KANTR: variants seen among roughly 807,000 people sequenced by gnomAD.
KANTR encodes the protein KANTR integral membrane protein, also known as KDM5C adjacent transcript.
In KANTR at chrX:53,137,602, T is replaced by TA. The variant is rs1183188339; in HGVS notation, n.204-4236dup. Among the ~76,000 whole-genome samples, 51 of 104,564 alleles carry TA rather than the reference T, an allele frequency of 4.9e-4. 1 individual carries two copies. Among genetic ancestry groups the TA allele is most frequent in the South Asian group, 2.1e-3 (5 of 2,382 alleles). 90.8% of individuals were successfully genotyped at this position (104,564 alleles called of 115,157 possible). On this transcript the variant is annotated intron_variant and non_coding_transcript_variant, in intron 2 of 2. Transcript: ENST00000366185. ...CAACATGGAGAAAGCCCGTCTCTAC[T>TA]AAAAAAAAAATACAAAATTAGCCAG... is the stretch of plus-strand genomic sequence containing the variant.
chrX:53,126,718 A>G (rs1206173031), exon 3 of KANTR: 1 of 112,118 alleles, frequency 8.9e-6, no homozygotes, highest in African/African-American at 3.2e-5. Flanking sequence ...ACTACATAGT[A>G]TATTCTGATT....
chrX:53,141,218 A>G (rs1933497538), intron 2 of KANTR, among the ~76,000 whole-genome samples: 1 of 112,350 alleles, frequency 8.9e-6, no homozygotes, highest in Non-Finnish European at 1.9e-5. Context: ...GGTGTTTCAC[A>G]CAGTTCCCTC....
At position 53,108,693 on chromosome X, in the gene KANTR, T is replaced by A. The variant is rs782401351; in HGVS notation, c.-805+9085T>A. ...ATAGAGATAGTTTCACTTTTTTCTT[T>A]CCTGTCTGAATGCCTTTTTTTTTTT... is the stretch of plus-strand genomic sequence containing the variant. On this transcript the variant is annotated intron_variant, in intron 2 of 2. Coordinates refer to ENST00000604062, the Ensembl canonical transcript of KANTR. Among the ~76,000 whole-genome samples the A allele has an allele frequency of 3.1e-5, 3 of 96,800 alleles. No homozygotes were observed. In the South Asian group the frequency reaches 1.6e-3, roughly 52 times the overall value. 84.1% of individuals were successfully genotyped at this position (96,800 alleles called of 115,157 possible). A position where few individuals can be genotyped will look rare whatever the true frequency, so the allele number is the denominator to read the frequency against.
chrX:53,131,134 T>C (rs1933356999), downstream of KANTR, among the ~76,000 whole-genome samples: 1 of 111,043 alleles, frequency 9.0e-6, no homozygotes, highest in Non-Finnish European at 1.9e-5. Flanking sequence ...AGAGGTAGGA[T>C]TGACCACACA....
chrX:53,098,050 C>CAAAAAA (rs782145330), intron 1 of KANTR, among the ~76,000 whole-genome samples: 2 of 44,227 alleles, frequency 4.5e-5, no homozygotes, highest in African/African-American at 1.5e-4. Flanking sequence ...GACTCTGTCT[C>CAAAAAA]AAAAAAAAAA....
exon 3 of KANTR, chrX:53,126,393 C>T (rs1392300028): frequency 9.0e-6 from 1 of 111,383 alleles, no homozygotes; most frequent in Non-Finnish European, 1.9e-5. Flanking sequence ...TTTCTATCTC[C>T]TTGTCTTTCT....
intron 2 of KANTR, among the ~76,000 whole-genome samples, chrX:53,112,575 G>C (rs1556813964): frequency 9.0e-6 from 1 of 111,577 alleles, no homozygotes; most frequent in African/African-American, 3.3e-5. Flanking sequence ...TGGCCTGTAA[G>C]GTCTCTGCTG....
At chrX:53,099,354 C>T (rs1004525965) in intron 1 of KANTR, 118 bp from the exon 2 acceptor site, 2 of 110,863 alleles carry the variant, frequency 1.8e-5, no homozygotes, top group Non-Finnish European at 3.8e-5. Context: ...GCCTGAGCAA[C>T]AGAGCGAGAC....
intron 2 of KANTR, among the ~76,000 whole-genome samples, chrX:53,100,617 G>T (rs1279793315): frequency 9.0e-6 from 1 of 111,379 alleles, no homozygotes; most frequent in African/African-American, 3.3e-5. Context: ...GGCCAACATA[G>T]TGAAACCCCG....
At chrX:53,123,316 T>C (rs918531943) in intron 2 of KANTR, among the ~76,000 whole-genome samples, 153 bp from the exon 3 acceptor site, 2 of 111,645 alleles carry the variant, frequency 1.8e-5, no homozygotes, top group Non-Finnish European at 3.8e-5. Flanking sequence ...TCAAAGATAT[T>C]TAACAATTGG....
chrX:53,145,821 C>T (rs1422135345), downstream of KANTR, among the ~76,000 whole-genome samples: 1 of 112,061 alleles, frequency 8.9e-6, no homozygotes, highest in South Asian at 3.7e-4. Flanking sequence ...AATGATCAGG[C>T]AGCAACATTT....
intron 2 of KANTR, among the ~76,000 whole-genome samples, chrX:53,115,341 G>GC (rs1569236838): frequency 8.9e-6 from 1 of 112,329 alleles, no homozygotes; most frequent in African/African-American, 3.2e-5. Flanking sequence ...AATGACTAGT[G>GC]CTGTGGAGGC....
rs1244879855 is a variant in KANTR, at chrX:53,140,203, A to G, written n.204-1645A>G. Among the ~76,000 whole-genome samples, 3 of 112,245 alleles carry G rather than the reference A, an allele frequency of 2.7e-5. No homozygotes were observed. The East Asian group carries it at 8.5e-4, about 32-fold the overall frequency. On this transcript the variant is annotated intron_variant and non_coding_transcript_variant, in intron 2 of 2. Coordinates refer to the KANTR transcript ENST00000366185. ...CTGGAAGTACCTTGTCAAATTAGAT[A>G]TGCATTTACTGGGCCAGGTGCGGTG...
At chrX:53,107,688 A>G (rs1556813023) in intron 2 of KANTR, among the ~76,000 whole-genome samples, 1 of 109,216 alleles carries the variant, frequency 9.2e-6, no homozygotes, top group South Asian at 3.8e-4. Context: ...TTAAAATGGG[A>G]TGTTTTTTAA....
rs781805634 is a variant in KANTR at position 53,116,129 on chromosome X, G to A, written c.-804-7340G>A. ...CTGCTAGCAGCCTTTTTTCTTTTCA[G>A]TTCTTGTTTTTCTTTTTAAGCCTGG... On this transcript the variant is annotated intron_variant, in intron 2 of 2. Transcript: ENST00000604062. Among the ~76,000 whole-genome samples the A allele has an allele frequency of 5.4e-5, 6 of 111,779 alleles. No homozygotes were observed. In the Admixed American group the frequency reaches 5.7e-4, roughly 11 times the overall value.
At chrX:53,146,756 GACTA>G (rs1933582080), downstream of KANTR, among the ~76,000 whole-genome samples, 1 of 112,194 alleles carries the variant, frequency 8.9e-6, no homozygotes, top group Admixed American at 9.5e-5. Flanking sequence ...AAGCCCATCA[GACTA>G]ACAGCTGATC....
chrX:53,112,417 T>C (rs1208524821), intron 2 of KANTR, among the ~76,000 whole-genome samples: 1 of 112,357 alleles, frequency 8.9e-6, no homozygotes, highest in Non-Finnish European at 1.9e-5. Context: ...CAGGTGTGAA[T>C]TGTGCTGCTA....
chrX:53,131,973 A>G (rs200014993), downstream of KANTR, among the ~76,000 whole-genome samples: 1 of 112,488 alleles, frequency 8.9e-6, no homozygotes, highest in Admixed American at 9.4e-5. Flanking sequence ...TTGTATATCT[A>G]TATACTAGCA....
At chrX:53,142,842 G>A, downstream of KANTR, 1 of 499,911 alleles carries the variant, frequency 2.0e-6, no homozygotes, top group South Asian at 2.7e-5. Flanking sequence ...ATTTGCAGTG[G>A]ATGATGGAGG....
Sources: gnomAD v4.1 joint callset for allele counts (sites outside exome capture counted in the v4.1 genomes callset) on GRCh38, gnomAD v4.1.1 for gene constraint, MANE v1.5 for transcripts, NCBI Gene and HGNC (gene_info 2026-07-23, HGNC 2026-07-21) for gene names.